ACKR1: variants seen among roughly 807,000 people sequenced by gnomAD.
ACKR1 encodes atypical chemokine receptor 1.
In ACKR1, 3 loss-of-function variants were observed where a neutral mutation model predicts 2.5. The ratio of observed to expected loss-of-function variants is 1.18; its 90% confidence interval spans 0.54 to 3.06. The LOEUF is 3.06. Ranked by LOEUF, ACKR1 falls within the 30% of genes most tolerant of loss-of-function variation. The pLI is 0.03. For synonymous variants in ACKR1, 208 were observed against 178.2 expected (o/e 1.17, Z -1.33); for missense variants, 438 against 395.2 (o/e 1.11, Z -0.92).
In ACKR1 at chr1:159,205,585, C is replaced by T. The variant is rs202220574; in HGVS notation, c.146C>T (p.Ala49Val). ...GDYGANLEAA[A>V]PCHSCNLLDD... ...TATGGTGCCAACCTGGAAGCAGCTG[C>T]CCCCTGCCACTCCTGTAACCTGCTG... The change falls in exon 2 of 2, where the codon GCC (alanine) becomes GTC (valine). Residue 49 changes from alanine (A) to valine (V), a missense_variant. Transcript: ENST00000368122. The T allele has an allele frequency of 1.1e-4, 171 of 1,613,952 alleles. No homozygotes were observed. The highest frequency in any genetic ancestry group is 1.3e-4 in the Non-Finnish European group (151 of 1,179,906).
At chr1:159,205,093 C>G in intron 1 of ACKR1, 113 bp downstream of exon 1, 1 of 1,323,674 alleles carries the variant, frequency 7.6e-7, no homozygotes, top group Non-Finnish European at 1.0e-6. Context: ...TTTCTCCCTT[C>G]CTGCTTTTTT....
Position 159,206,266 on chromosome 1 carries a change from G to A in ACKR1, c.827G>A (p.Cys276Tyr). Residue 276 changes from cysteine to tyrosine, a missense_variant, in exon 2 of 2, where the codon TGT (cysteine) becomes TAT (tyrosine). Coordinates refer to ENST00000368122, the MANE Select transcript of ACKR1 (RefSeq NM_002036.4). ...VRSKLLLLSTCLAQQALDLLL... is the reference protein window; with the variant it reads ...VRSKLLLLSTYLAQQALDLLL... ...TCCAAGCTGTTGCTGTTGTCAACATGTCTGGCCCAGCAGGCTCTGGACCTG... is the reference window on the plus strand; with the variant it reads ...TCCAAGCTGTTGCTGTTGTCAACATATCTGGCCCAGCAGGCTCTGGACCTG... 6.2e-6 allele frequency: 10 copies of A among 1,614,238 alleles called. No individual in the cohort carries two copies. The highest frequency in any genetic ancestry group is 1.1e-5 in the South Asian group (1 of 91,084).
chr1:159,204,997 G>T lies in ACKR1; in HGVS notation c.21+17G>T, dbSNP rs200907215. On this transcript the variant is annotated intron_variant, in intron 1 of 1. Coordinates refer to ENST00000368122, the MANE Select transcript of ACKR1 (RefSeq NM_002036.4). ...CTGCACAGGGTGAGTATGGGGCCAG[G>T]CCCCAGAGTCCCTTATCCCTATGCC... 1.4e-3 allele frequency: 2,321 copies of T among 1,613,446 alleles called. 2 individuals carry two copies. Among genetic ancestry groups the T allele is most frequent in the Non-Finnish European group, 1.8e-3 (2,174 of 1,179,696 alleles).
chr1:159,206,382 C>A lies in ACKR1; in HGVS notation c.943C>A (p.Leu315Ile). The A allele has an allele frequency of 6.2e-7, 1 of 1,614,272 alleles. No homozygotes were observed. The highest frequency in any genetic ancestry group is 8.5e-7 in the Non-Finnish European group (1 of 1,180,048). The change falls in exon 2 of 2, where the codon CTC becomes ATC. Residue 315 changes from leucine (L) to isoleucine (I), a missense_variant. Coordinates refer to ENST00000368122, the MANE Select transcript of ACKR1 (RefSeq NM_002036.4). ...ALFCHQATRT[L>I]LPSLPLPEGW... ...ATTCTGCCACCAGGCCACCCGCACC[C>A]TCTTGCCCTCTCTGCCCCTCCCTGA...
chr1:159,204,910 C>G lies in ACKR1; in HGVS notation c.-50C>G. Reference sequence around the variant, plus strand: ...GGCTCTTATCTTGGAAGCACAGGCGCTGACAGCCGTCCCAGCCCTTCTGTC... The same window carrying G: ...GGCTCTTATCTTGGAAGCACAGGCGGTGACAGCCGTCCCAGCCCTTCTGTC... On this transcript the variant is annotated 5_prime_UTR_variant, in exon 1 of 2. Transcript: ENST00000368122. 6.2e-7 allele frequency: 1 copy of G among 1,613,512 alleles called. No individual in the cohort carries two copies. The highest frequency in any genetic ancestry group is 8.5e-7 in the Non-Finnish European group (1 of 1,179,454).
chr1:159,205,395 G>A (rs1650404166), intron 1 of ACKR1, 66 bp from the exon 2 acceptor site: 1 of 1,554,312 alleles, frequency 6.4e-7, no homozygotes, highest in Admixed American at 1.8e-5. Context: ...CCTCCCACCT[G>A]CCCCTCAATT....
Position 159,206,109 on chromosome 1 carries a change from G to T in ACKR1, c.670G>T (p.Gly224Cys). The change falls in exon 2 of 2, where the codon GGT (glycine) becomes TGT (cysteine). Residue 224 changes from glycine (G) to cysteine (C), a missense_variant. By Grantham distance (159) the Gly-to-Cys change is radical. Transcript: ENST00000368122. ...TGCCATCTTTGTCTTGTTGCCATTG[G>T]GTTTGTTTGGAGCCAAGGGGCTGAA... The part of the protein sequence containing the change: ...CLAIFVLLPL[G>C]LFGAKGLKKA... The T allele has an allele frequency of 6.2e-7, 1 of 1,614,232 alleles. No individual in the cohort carries two copies. The highest frequency in any genetic ancestry group is 8.5e-7 in the Non-Finnish European group (1 of 1,180,044).
chr1:159,206,047 T>C lies in ACKR1; in HGVS notation c.608T>C (p.Leu203Pro), dbSNP rs3027020. 1 of 1,614,256 alleles carries C rather than the reference T, an allele frequency of 6.2e-7. No homozygotes were observed. Among genetic ancestry groups the C allele is most frequent in the Non-Finnish European group, 8.5e-7 (1 of 1,180,040 alleles). Residue 203 changes from leucine (L) to proline (P), a missense_variant, in exon 2 of 2, where the codon CTG (leucine) becomes CCG (proline). Coordinates refer to ENST00000368122, the MANE Select transcript of ACKR1 (RefSeq NM_002036.4). ...TGCACCCTGATATACAGCACGGAGCTGAAGGCTTTGCAGGCCACACACACT... is the reference window on the plus strand; with the variant it reads ...TGCACCCTGATATACAGCACGGAGCCGAAGGCTTTGCAGGCCACACACACT... Reference protein sequence around the residue: ...GLCTLIYSTELKALQATHTVA... With the variant: ...GLCTLIYSTEPKALQATHTVA...
chr1:159,205,998 G>A lies in ACKR1; in HGVS notation c.559G>A (p.Ala187Thr), dbSNP rs776071973. Residue 187 changes from alanine to threonine, a missense_variant, in exon 2 of 2, where the codon GCC becomes ACC. Ala to Thr is a moderately conservative substitution (Grantham distance 58). Coordinates refer to ENST00000368122, the MANE Select transcript of ACKR1 (RefSeq NM_002036.4). ...AALLTLPVTL[A>T]SGASGGLCTL... The stretch of plus-strand genomic sequence containing the variant: ...CCTACTGACACTGCCTGTCACCCTG[G>A]CCAGTGGTGCTTCTGGTGGACTCTG... The A allele has an allele frequency of 6.2e-7, 1 of 1,614,190 alleles. No homozygotes were observed. The highest frequency in any genetic ancestry group is 1.1e-5 in the South Asian group (1 of 91,086).
Position 159,206,340 on chromosome 1 carries a change from C to A in ACKR1, c.901C>A (p.Pro301Thr). 1 of 1,614,226 alleles carries A rather than the reference C, an allele frequency of 6.2e-7. No individual in the cohort carries two copies. The highest frequency in any genetic ancestry group is 8.5e-7 in the Non-Finnish European group (1 of 1,180,036). The change falls in exon 2 of 2, where the codon CCC (proline) becomes ACC (threonine). Residue 301 changes from proline (P) to threonine (T), a missense_variant. Pro to Thr is a conservative substitution (Grantham distance 38). Coordinates refer to ENST00000368122, the MANE Select transcript of ACKR1 (RefSeq NM_002036.4). The stretch of plus-strand genomic sequence containing the variant: ...GGCAATTTTGCACTGTGTGGCTACG[C>A]CCCTGCTCCTCGCCCTATTCTGCCA... The part of the protein sequence containing the change: ...ALAILHCVAT[P>T]LLLALFCHQA...
chr1:159,205,550 A>G lies in ACKR1; in HGVS notation c.111A>G (p.Pro37=). 2 of 1,614,238 alleles carry G rather than the reference A, an allele frequency of 1.2e-6. No homozygotes were observed. The highest frequency in any genetic ancestry group is 1.7e-6 in the Non-Finnish European group (2 of 1,180,046). The part of the protein sequence containing the change: ...NSSYGVNDSF[P]DGDYGANLEA... Reference sequence around the variant, plus strand: ...CCTATGGTGTGAATGATTCCTTCCCAGATGGAGACTATGGTGCCAACCTGG... The same window carrying G: ...CCTATGGTGTGAATGATTCCTTCCCGGATGGAGACTATGGTGCCAACCTGG... The change falls in exon 2 of 2, where the codon CCA becomes CCG. Residue 37 remains proline (P), a synonymous_variant. Transcript: ENST00000368122.
Position 159,205,448 on chromosome 1 carries a change from G to A in ACKR1, c.22-13G>A. The A allele has an allele frequency of 6.3e-7, 1 of 1,599,754 alleles. No individual in the cohort carries two copies. The highest frequency in any genetic ancestry group is 1.1e-5 in the South Asian group (1 of 88,002). On this transcript the variant is annotated splice_polypyrimidine_tract_variant and intron_variant, in intron 1 of 1. Coordinates refer to ENST00000368122, the MANE Select transcript of ACKR1 (RefSeq NM_002036.4). ...GTGTAACTCTGATGGCCTCCTCTGG[G>A]TATGTCCTCCAGGCGGAGCTCTCCC...
chr1:159,205,422 G>C lies in ACKR1; in HGVS notation c.22-39G>C, dbSNP rs774878327. 8.2e-6 allele frequency: 13 copies of C among 1,576,510 alleles called. No individual in the cohort carries two copies. In the African/African-American group the frequency reaches 1.5e-4, roughly 18 times the overall value. Reference sequence around the variant, plus strand: ...CCCTCAATTCCCAGGAGACTCTTCCGGTGTAACTCTGATGGCCTCCTCTGG... The same window carrying C: ...CCCTCAATTCCCAGGAGACTCTTCCCGTGTAACTCTGATGGCCTCCTCTGG... On this transcript the variant is annotated intron_variant, in intron 1 of 1. Coordinates refer to ENST00000368122, the MANE Select transcript of ACKR1 (RefSeq NM_002036.4).
Position 159,206,150 on chromosome 1 carries a change from G to A in ACKR1, c.711G>A (p.Met237Ile), listed in dbSNP as rs770482710. The change falls in exon 2 of 2, where the codon ATG becomes ATA. Residue 237 changes from methionine to isoleucine, a missense_variant. Coordinates refer to ENST00000368122, the MANE Select transcript of ACKR1 (RefSeq NM_002036.4). ...GAKGLKKALG[M>I]GPGPWMNILW... ...AGGGGCTGAAGAAGGCATTGGGTAT[G>A]GGGCCAGGCCCCTGGATGAATATCC... 1 of 1,614,252 alleles carries A rather than the reference G, an allele frequency of 6.2e-7. No individual in the cohort carries two copies. Among genetic ancestry groups the A allele is most frequent in the Non-Finnish European group, 8.5e-7 (1 of 1,180,052 alleles).
At chr1:159,205,060 T>C in intron 1 of ACKR1, 80 bp downstream of exon 1, 3 of 1,494,796 alleles carry the variant, frequency 2.0e-6, no homozygotes, top group Non-Finnish European at 2.7e-6. Context: ...AGTCTTTATA[T>C]CTCTTCCTTT....
At chr1:159,205,347 G>A in intron 1 of ACKR1, 114 bp from the exon 2 acceptor site, 4 of 1,308,056 alleles carry the variant, frequency 3.1e-6, no homozygotes, top group South Asian at 1.4e-5. Context: ...CTCCTGCAGA[G>A]ACCTTGTTCT....
rs756816441 is a variant in ACKR1, at chr1:159,206,370, GC to G, written c.933del (p.Thr312ProfsTer42). The G allele has an allele frequency of 6.2e-7, 1 of 1,614,214 alleles. No homozygotes were observed. Among genetic ancestry groups the G allele is most frequent in the South Asian group, 1.1e-5 (1 of 91,086 alleles). On this transcript the variant is annotated frameshift_variant, in exon 2 of 2. Coordinates refer to ENST00000368122, the MANE Select transcript of ACKR1 (RefSeq NM_002036.4). LOFTEE classifies it low-confidence loss of function (END_TRUNC). Reference sequence around the variant, plus strand: ...GCTCCTCGCCCTATTCTGCCACCAGGCCACCCGCACCCTCTTGCCCTCTCTG... The same window carrying G: ...GCTCCTCGCCCTATTCTGCCACCAGGCACCCGCACCCTCTTGCCCTCTCTG... ...PLLLALFCHQ[A>X]TRTLLPSLPL...
chr1:159,205,447 G>A lies in ACKR1; in HGVS notation c.22-14G>A, dbSNP rs1337065178. Reference sequence around the variant, plus strand: ...GGTGTAACTCTGATGGCCTCCTCTGGGTATGTCCTCCAGGCGGAGCTCTCC... The same window carrying A: ...GGTGTAACTCTGATGGCCTCCTCTGAGTATGTCCTCCAGGCGGAGCTCTCC... On this transcript the variant is annotated splice_polypyrimidine_tract_variant and intron_variant, in intron 1 of 1. Transcript: ENST00000368122. The A allele has an allele frequency of 1.3e-6, 2 of 1,599,216 alleles. No homozygotes were observed. The highest frequency in any genetic ancestry group is 1.7e-5 in the Admixed American group (1 of 59,468).
In ACKR1 at chr1:159,206,128, G is replaced by A; in HGVS notation, c.689G>A (p.Gly230Glu). 1 of 1,614,230 alleles carries A rather than the reference G, an allele frequency of 6.2e-7. No homozygotes were observed. Among genetic ancestry groups the A allele is most frequent in the Non-Finnish European group, 8.5e-7 (1 of 1,180,044 alleles). ...LLPLGLFGAK[G>E]LKKALGMGPG... ...CCATTGGGTTTGTTTGGAGCCAAGG[G>A]GCTGAAGAAGGCATTGGGTATGGGG... Residue 230 changes from glycine to glutamate, a missense_variant, in exon 2 of 2, where the codon GGG becomes GAG. By Grantham distance (98) the Gly-to-Glu change is moderately conservative. Transcript: ENST00000368122.
Sources: gnomAD v4.1 joint callset for allele counts on GRCh38, gnomAD v4.1.1 for gene constraint, MANE v1.5 for transcripts, NCBI Gene and HGNC (gene_info 2026-07-23, HGNC 2026-07-21) for gene names.